LINGO2: variants seen among roughly 807,000 people sequenced by gnomAD.
LINGO2 encodes the protein leucine rich repeat and Ig domain containing 2, also known as leucine-rich repeat and immunoglobulin-like domain-containing nogo receptor-interacting protein 2.
Under a neutral mutation model 30.6 loss-of-function variants are expected in LINGO2, and 14 were observed. The observed-to-expected ratio is 0.46, with a 90% CI of 0.30 to 0.72. LINGO2 has a LOEUF of 0.72. Among genes scored for constraint, LINGO2 ranks in the 30% least tolerant of loss-of-function variants. LINGO2 has a pLI of 0.07. For missense variants in LINGO2, 729 were observed against 751.7 expected (o/e 0.97, Z 0.35); for synonymous variants, 317 against 288.5 (o/e 1.10, Z -1.00).
chr9:28,597,917 A>G (rs1041455795), intron 1 of LINGO2, among the ~76,000 whole-genome samples: 1 of 151,990 alleles, frequency 6.6e-6, no homozygotes, highest in Non-Finnish European at 1.5e-5. Flanking sequence ...GGCGTGTGGC[A>G]TCATGCCCAG....
At chr9:28,348,474 C>T (rs1379861725) in intron 3 of LINGO2, among the ~76,000 whole-genome samples, 2 of 152,192 alleles carry the variant, frequency 1.3e-5, no homozygotes, top group East Asian at 1.9e-4. Context: ...GAGATTATAT[C>T]CTGCACCTGG....
chr9:28,101,048 T>C (rs764620956), intron 4 of LINGO2, among the ~76,000 whole-genome samples: 3 of 152,108 alleles, frequency 2.0e-5, no homozygotes, highest in African/African-American at 7.2e-5. Context: ...ACACATTTTT[T>C]TTTTCAATTT....
chr9:28,593,687 A>G (rs1825035655), intron 1 of LINGO2, among the ~76,000 whole-genome samples: 1 of 149,984 alleles, frequency 6.7e-6, no homozygotes, highest in Non-Finnish European at 1.5e-5. Context: ...CTTGCTCAAG[A>G]TCATTTCACC....
At chr9:29,189,839 G>A in the LINGO2 span, among the ~76,000 whole-genome samples, 6 of 151,822 alleles carry the variant, frequency 4.0e-5, no homozygotes, top group South Asian at 8.3e-4. Flanking sequence ...GCGAAACCCC[G>A]TCTCCACCAA....
chr9:27,946,288 C>G (rs961278527), downstream of LINGO2, among the ~76,000 whole-genome samples: 1 of 152,094 alleles, frequency 6.6e-6, no homozygotes, highest in African/African-American at 2.4e-5. Flanking sequence ...GACTGGTCAA[C>G]AGGACTTTTT....
At chr9:28,374,915 A>C (rs906171227) in intron 2 of LINGO2, among the ~76,000 whole-genome samples, 5 of 152,152 alleles carry the variant, frequency 3.3e-5, no homozygotes, top group African/African-American at 1.2e-4. Context: ...GCAAACAAAA[A>C]CAGGAAATTA....
the LINGO2 span, among the ~76,000 whole-genome samples, chr9:28,848,542 A>T: frequency 6.7e-6 from 1 of 149,898 alleles, no homozygotes; most frequent in East Asian, 2.0e-4. Flanking sequence ...AAGGCATTTC[A>T]ACTTTTCTGC....
At chr9:28,848,397 G>GTGTGTGTATATATATATA in the LINGO2 span, among the ~76,000 whole-genome samples, 7 of 48,432 alleles carry the variant, frequency 1.4e-4, no homozygotes, top group Admixed American at 6.4e-4. Context: ...GTGTGTGTGT[G>GTGTGTGTATATATATATA]TATATATATA....
At chr9:29,111,425 A>G in the LINGO2 span, among the ~76,000 whole-genome samples, 1 of 152,088 alleles carries the variant, frequency 6.6e-6, no homozygotes, top group African/African-American at 2.4e-5. Flanking sequence ...CTTCCCATCA[A>G]TTCTAACTTC....
the LINGO2 span, among the ~76,000 whole-genome samples, chr9:28,744,220 T>G: frequency 4.6e-5 from 7 of 152,114 alleles, no homozygotes; most frequent in South Asian, 4.1e-4. Flanking sequence ...ATATTCTCTA[T>G]TTGATGAAAC....
At chr9:28,503,960 T>G (rs1442037672) in intron 1 of LINGO2, among the ~76,000 whole-genome samples, 2 of 151,948 alleles carry the variant, frequency 1.3e-5, no homozygotes, top group Non-Finnish European at 2.9e-5. Flanking sequence ...AAGACAGTTT[T>G]GGGGGTTCTC....
the LINGO2 span, among the ~76,000 whole-genome samples, chr9:29,113,706 T>C: frequency 6.6e-6 from 1 of 152,172 alleles, no homozygotes; most frequent in Non-Finnish European, 1.5e-5. Flanking sequence ...TCTTGAAGCA[T>C]TTCTTCAAAG....
At chr9:28,851,827 G>T in the LINGO2 span, among the ~76,000 whole-genome samples, 2 of 151,848 alleles carry the variant, frequency 1.3e-5, no homozygotes, top group African/African-American at 4.8e-5. Flanking sequence ...ATCATGAGAA[G>T]TTATACTACT....
At chr9:27,988,687 G>T (rs942075063) in intron 5 of LINGO2, among the ~76,000 whole-genome samples, 2 of 151,706 alleles carry the variant, frequency 1.3e-5, no homozygotes, top group African/African-American at 2.4e-5. Flanking sequence ...CTTTTTGATG[G>T]GGTTGTTTGT....
intron 1 of LINGO2, among the ~76,000 whole-genome samples, chr9:28,606,049 T>C (rs921289187): frequency 1.3e-5 from 2 of 150,290 alleles, no homozygotes; most frequent in African/African-American, 4.9e-5. Context: ...ATTTTTCACA[T>C]TGTGTTTCAA....
At chr9:27,967,230 T>G (rs1478812508) in intron 5 of LINGO2, among the ~76,000 whole-genome samples, 2 of 152,178 alleles carry the variant, frequency 1.3e-5, no homozygotes, top group Non-Finnish European at 2.9e-5. Flanking sequence ...AATAGAAGTT[T>G]ATTAGTTCTG....
At chr9:28,553,665 T>C (rs887798275) in intron 1 of LINGO2, among the ~76,000 whole-genome samples, 2 of 151,700 alleles carry the variant, frequency 1.3e-5, no homozygotes, top group African/African-American at 4.8e-5. Context: ...AAGATACTCC[T>C]CGAGAAGAGC....
chr9:28,740,647 T>G, the LINGO2 span, among the ~76,000 whole-genome samples: 1 of 152,000 alleles, frequency 6.6e-6, no homozygotes, highest in African/African-American at 2.4e-5. Flanking sequence ...AATACTTTAA[T>G]TATTTAATAA....
chr9:28,533,788 A>G (rs1472088817), intron 1 of LINGO2, among the ~76,000 whole-genome samples: 1 of 152,160 alleles, frequency 6.6e-6, no homozygotes, highest in Non-Finnish European at 1.5e-5. Context: ...CCAGAACAGT[A>G]CCTGAATTAA....
Sources: allele counts gnomAD v4.1 joint callset (sites outside exome capture counted in the v4.1 genomes callset), GRCh38; gene constraint gnomAD v4.1.1; transcripts MANE v1.5; gene names NCBI Gene and HGNC (gene_info 2026-07-23, HGNC 2026-07-21).